The following R3HDM2 variants were observed in gnomAD, a reference collection of about 807,000 sequenced individuals.
R3HDM2 encodes the protein R3H domain-containing protein 2.
Under a neutral mutation model 124.5 loss-of-function variants are expected in R3HDM2, and 38 were observed. That is an observed-to-expected ratio of 0.31 (90% CI 0.24 to 0.40). The LOEUF is 0.40. Among genes scored for constraint, R3HDM2 ranks in the 10% least tolerant of loss-of-function variants. The pLI, the probability that R3HDM2 is intolerant of heterozygous loss-of-function variation, is 1.00. For missense variants in R3HDM2, 869 were observed against 1,236.9 expected, an observed-to-expected ratio of 0.70 and a Z score of 4.46; for synonymous variants, 391 against 448.0, an observed-to-expected ratio of 0.87 and a Z score of 1.61.
intron 1 of R3HDM2, among the ~76,000 whole-genome samples, chr12:57,420,306 G>A (rs2070064694): frequency 6.6e-6 from 1 of 152,054 alleles, no homozygotes; most frequent in African/African-American, 2.4e-5. Context: ...GAAAGACAAA[G>A]TTTGTTTTTT....
chr12:57,321,658 T>C (rs750412233), intron 2 of R3HDM2, among the ~76,000 whole-genome samples: 12 of 150,612 alleles, frequency 8.0e-5, no homozygotes, highest in African/African-American at 1.2e-4. Flanking sequence ...TCTTGGAAAA[T>C]AAAACAAAAC....
chr12:57,255,251 T>C, intron 23 of R3HDM2, 138 bp from the exon 24 acceptor site: 3 of 655,300 alleles, frequency 4.6e-6, no homozygotes, highest in Non-Finnish European at 7.4e-6. Context: ...CTCTTAGCCC[T>C]TTCTTCCCCT....
At chr12:57,402,060 C>T (rs1174565485) in intron 1 of R3HDM2, among the ~76,000 whole-genome samples, 1 of 151,744 alleles carries the variant, frequency 6.6e-6, no homozygotes, top group East Asian at 1.9e-4. Context: ...TTTGGGAGGC[C>T]GTGGCAGGTA....
At position 57,410,661 on chromosome 12, in the gene R3HDM2, T is replaced by C. The variant is rs537488983; in HGVS notation, c.-105-14843A>G. Among the ~76,000 whole-genome samples, 8 of 152,282 alleles carry C rather than the reference T, an allele frequency of 5.3e-5. No individual in the cohort carries two copies. The South Asian group carries it at 1.7e-3, about 32-fold the overall frequency. ...TGAGGCCAGGAGTTTGAGACCAGCC[T>C]GGGCTACATGGCAAGACCCTGTCTC... On this transcript the variant is annotated intron_variant, in intron 1 of 23. Transcript: ENST00000402412.
At chr12:57,336,551 A>G (rs1232208274) in intron 2 of R3HDM2, among the ~76,000 whole-genome samples, 3 of 152,248 alleles carry the variant, frequency 2.0e-5, no homozygotes, top group Non-Finnish European at 4.4e-5. Flanking sequence ...TCCTTAGCAA[A>G]CTAAGGCAGG....
intron 11 of R3HDM2, among the ~76,000 whole-genome samples, chr12:57,292,176 A>G (rs2048803719): frequency 6.6e-6 from 1 of 152,216 alleles, no homozygotes; most frequent in South Asian, 2.1e-4. Flanking sequence ...GCCTGTGTGA[A>G]CACTATGTCT....
chr12:57,361,625 G>A (rs992351123), intron 2 of R3HDM2, among the ~76,000 whole-genome samples: 2 of 151,822 alleles, frequency 1.3e-5, no homozygotes, highest in African/African-American at 2.4e-5. Flanking sequence ...TCAAGGCTGC[G>A]GCGGTGTGTC....
At chr12:57,274,710 A>C (rs1426212434) in intron 14 of R3HDM2, among the ~76,000 whole-genome samples, 2 of 152,174 alleles carry the variant, frequency 1.3e-5, no homozygotes, top group Non-Finnish European at 2.9e-5. Context: ...GAAGCTCTGA[A>C]AAACCATGAG....
intron 14 of R3HDM2, among the ~76,000 whole-genome samples, chr12:57,273,173 A>C (rs1292241144): frequency 6.6e-6 from 1 of 152,140 alleles, no homozygotes; most frequent in Non-Finnish European, 1.5e-5. Context: ...CTTCCACTCC[A>C]TGATTGCTCC....
chr12:57,343,229 T>C (rs936469273), intron 2 of R3HDM2, among the ~76,000 whole-genome samples: 1 of 150,500 alleles, frequency 6.6e-6, no homozygotes, highest in Non-Finnish European at 1.5e-5. Context: ...TCACTCTTGT[T>C]GCCCAAGCTA....
intron 1 of R3HDM2, 74 bp downstream of exon 1, chr12:57,430,646 C>CCCCCTCCCCACAGG: frequency 1.0e-6 from 1 of 955,096 alleles, no homozygotes; most frequent in Non-Finnish European, 1.2e-6. Context: ...CTCGCGCCCG[C>CCCCCTCCCCACAGG]CCGTGCGGCC....
At chr12:57,277,441 A>AT (rs34853640) in intron 14 of R3HDM2, among the ~76,000 whole-genome samples, 3,985 of 140,978 alleles carry the variant, frequency 0.028, 68 homozygotes, top group Non-Finnish European at 0.043. Flanking sequence ...TTCCTCAAAG[A>AT]TTTTTTTTTT....
chr12:57,299,126 T>A (rs1011074418), intron 6 of R3HDM2, among the ~76,000 whole-genome samples: 1 of 152,344 alleles, frequency 6.6e-6, no homozygotes, highest in South Asian at 2.1e-4. Context: ...TGTCCTCCTA[T>A]GGATAATGCC....
At chr12:57,310,873 A>C (rs2053768531) in intron 2 of R3HDM2, among the ~76,000 whole-genome samples, 1 of 152,166 alleles carries the variant, frequency 6.6e-6, no homozygotes, top group African/African-American at 2.4e-5. Flanking sequence ...ATATAAATGG[A>C]ATCAATCATA....
At chr12:57,402,429 A>C (rs1035669567) in intron 1 of R3HDM2, among the ~76,000 whole-genome samples, 8 of 150,500 alleles carry the variant, frequency 5.3e-5, no homozygotes, top group African/African-American at 2.0e-4. Context: ...GCTCATTGCA[A>C]CCTCCACCTC....
At chr12:57,354,348 CG>C (rs2061019614) in intron 2 of R3HDM2, among the ~76,000 whole-genome samples, 1 of 151,924 alleles carries the variant, frequency 6.6e-6, no homozygotes, top group South Asian at 2.1e-4. Context: ...GGCTCGAGTG[CG>C]GTGGTGCAAT....
chr12:57,396,390 G>A (rs1039449361), intron 1 of R3HDM2, among the ~76,000 whole-genome samples: 3 of 151,838 alleles, frequency 2.0e-5, no homozygotes, highest in Non-Finnish European at 2.9e-5. Flanking sequence ...GCAGTGAGCC[G>A]AGATCGCACC....
chr12:57,421,110 C>T (rs1054255704), intron 1 of R3HDM2, among the ~76,000 whole-genome samples: 1 of 151,604 alleles, frequency 6.6e-6, no homozygotes, highest in Admixed American at 6.6e-5. Context: ...CTCTCTCTTG[C>T]TCTGTAGCTT....
chr12:57,313,508 G>C (rs915141172), intron 2 of R3HDM2, among the ~76,000 whole-genome samples: 3 of 151,272 alleles, frequency 2.0e-5, no homozygotes, highest in African/African-American at 2.4e-5. Context: ...AGGATGCATT[G>C]AGCCATGACT....
Sources: allele counts gnomAD v4.1 joint callset (sites outside exome capture counted in the v4.1 genomes callset), GRCh38; gene constraint gnomAD v4.1.1; transcripts MANE v1.5; gene names NCBI Gene and HGNC (gene_info 2026-07-23, HGNC 2026-07-21).